Variants in HCK observed in about 807,000 individuals in gnomAD.
The protein encoded by HCK is tyrosine-protein kinase HCK.
A neutral mutation model predicts 70.4 loss-of-function variants in HCK; 40 were observed. The observed-to-expected ratio is 0.57, with a 90% CI of 0.44 to 0.74. The LOEUF (loss-of-function observed/expected upper bound fraction) is 0.74. HCK is among the 30% of genes least tolerant of loss of function. HCK has a pLI of 0.00. For synonymous variants in HCK, 245 were observed against 263.2 expected (o/e 0.93, Z 0.67); for missense variants, 568 against 697.2 (o/e 0.81, Z 2.09).
intron 1 of HCK, among the ~76,000 whole-genome samples, chr20:32,065,349 T>C (rs1001256663): frequency 2.6e-5 from 4 of 152,228 alleles, no homozygotes; most frequent in Admixed American, 1.3e-4. Flanking sequence ...GTGGAGACTT[T>C]TTGAGTTCAA....
chr20:32,083,283 CTT>C (rs2045732602), intron 6 of HCK, among the ~76,000 whole-genome samples: 1 of 152,150 alleles, frequency 6.6e-6, no homozygotes, highest in Admixed American at 6.5e-5. Context: ...TCTAAAGTAC[CTT>C]TTACCATGTA....
At position 32,084,549 on chromosome 20, in the gene HCK, G is replaced by A. The variant is rs769233277; in HGVS notation, c.835+6G>A. On this transcript the variant is annotated splice_donor_region_variant and intron_variant, in intron 8 of 12. Coordinates refer to ENST00000375852, the MANE Select transcript of HCK (RefSeq NM_002110.5). ...GTTTGGGGAAGTCTGGATGGGTAAG[G>A]ACCCAGGGCCACAGCCCACAGGGCC... The A allele has an allele frequency of 1.4e-4, 232 of 1,611,710 alleles. No homozygotes were observed. The highest frequency in any genetic ancestry group is 1.9e-4 in the Non-Finnish European group (222 of 1,178,888).
At chr20:32,098,367 AC>A (rs2045985667) in intron 11 of HCK, among the ~76,000 whole-genome samples, 1 of 152,104 alleles carries the variant, frequency 6.6e-6, no homozygotes, top group African/African-American at 2.4e-5. Context: ...ATAATGGGGC[AC>A]ACCTGTAACC....
intron 1 of HCK, among the ~76,000 whole-genome samples, chr20:32,054,475 TAAAAAAAAAAAAAAAAAAAAAAAAAA>T (rs529274774): frequency 4.5e-3 from 72 of 15,880 alleles, no homozygotes; most frequent in South Asian, 0.024. Flanking sequence ...AAACTCCACC[TAAAAAAAAAAAAAAAAAAAAAAAAAA>T]AAAAAAAAAA....
Position 32,084,409 on chromosome 20 carries a change from G to A in HCK, c.701G>A (p.Cys234Tyr), listed in dbSNP as rs1248786844. The A allele has an allele frequency of 5.0e-6, 8 of 1,613,692 alleles. No homozygotes were observed. The highest frequency in any genetic ancestry group is 6.8e-6 in the Non-Finnish European group (8 of 1,179,860). ...GTTCCAGAGGGGAACGACGGGCTCT[G>A]CCAGAAACTGTCGGTGCCCTGCATG... The change falls in exon 8 of 13, where the codon TGC becomes TAC. Residue 234 changes from cysteine to tyrosine, a missense_variant. By Grantham distance (194) the Cys-to-Tyr change is radical. Transcript: ENST00000375852.
At chr20:32,063,277 C>T (rs764399840) in intron 1 of HCK, among the ~76,000 whole-genome samples, 1 of 152,088 alleles carries the variant, frequency 6.6e-6, no homozygotes, top group Non-Finnish European at 1.5e-5. Context: ...TTTTTTGAAA[C>T]ATTCTTGCTC....
intron 1 of HCK, among the ~76,000 whole-genome samples, chr20:32,064,974 T>C (rs924839552): frequency 6.6e-6 from 1 of 152,266 alleles, no homozygotes; most frequent in Admixed American, 6.5e-5. Context: ...AGCGTGCTTT[T>C]GAAGCACATT....
intron 1 of HCK, among the ~76,000 whole-genome samples, chr20:32,057,419 G>A (rs536193799): frequency 6.6e-5 from 10 of 152,282 alleles, no homozygotes; most frequent in African/African-American, 1.7e-4. Context: ...GGGTAACATG[G>A]CAAAACCCTG....
intron 10 of HCK, 88 bp downstream of exon 10, chr20:32,088,732 T>C (rs1424083212): frequency 3.3e-6 from 3 of 909,930 alleles, no homozygotes; most frequent in South Asian, 2.8e-5. Flanking sequence ...ACTATGATGA[T>C]AGCAGTAATA....
intron 9 of HCK, 56 bp from the exon 10 acceptor site, chr20:32,088,512 G>T (rs987249636): frequency 8.1e-6 from 11 of 1,357,518 alleles, no homozygotes; most frequent in Admixed American, 3.8e-5. Flanking sequence ...AGTAATTGTG[G>T]TTTTTGCCAT....
chr20:32,067,970 C>T (rs542883592), intron 1 of HCK, among the ~76,000 whole-genome samples: 1 of 152,080 alleles, frequency 6.6e-6, no homozygotes, highest in African/African-American at 2.4e-5. Flanking sequence ...TTTCTTTTTA[C>T]TTTAAGAAAC....
intron 6 of HCK, among the ~76,000 whole-genome samples, chr20:32,082,019 G>A (rs996634977): frequency 3.9e-5 from 6 of 152,198 alleles, no homozygotes; most frequent in Admixed American, 6.5e-5. Context: ...CAGCAACCAA[G>A]CCAGTCTCGC....
At chr20:32,080,370 T>C (rs958464660) in intron 6 of HCK, among the ~76,000 whole-genome samples, 3 of 152,144 alleles carry the variant, frequency 2.0e-5, no homozygotes, top group Non-Finnish European at 2.9e-5. Context: ...AGCTAATTTT[T>C]GTATTTTTAG....
intron 1 of HCK, among the ~76,000 whole-genome samples, chr20:32,063,133 C>T (rs1399023005): frequency 6.6e-6 from 1 of 152,182 alleles, no homozygotes; most frequent in East Asian, 1.9e-4. Flanking sequence ...GCTTCCATTT[C>T]CCTATCTGAA....
chr20:32,074,300 G>T (rs561550171), intron 4 of HCK, among the ~76,000 whole-genome samples: 2 of 152,282 alleles, frequency 1.3e-5, no homozygotes, highest in African/African-American at 4.8e-5. Flanking sequence ...ACCATTCTGA[G>T]TCTCTATAGG....
chr20:32,053,637 CAAAAAA>C (rs1160849578), intron 1 of HCK, among the ~76,000 whole-genome samples: 4 of 60,796 alleles, frequency 6.6e-5, no homozygotes, highest in African/African-American at 2.4e-4. Context: ...GACTCTGTCT[CAAAAAA>C]AAAAAAAAAA....
chr20:32,059,372 C>T (rs1444868878), intron 1 of HCK, among the ~76,000 whole-genome samples: 1 of 147,958 alleles, frequency 6.8e-6, no homozygotes, highest in Non-Finnish European at 1.5e-5. Context: ...CCTCTTCCTC[C>T]TCCTCCACTT....
At chr20:32,101,066 G>A (rs991455008) in intron 12 of HCK, among the ~76,000 whole-genome samples, 5 of 152,118 alleles carry the variant, frequency 3.3e-5, no homozygotes, top group Non-Finnish European at 5.9e-5. Context: ...TCCTCTAAGC[G>A]GGAGGAAAAA....
At chr20:32,070,729 T>G (rs2045524044) in intron 1 of HCK, among the ~76,000 whole-genome samples, 1 of 152,120 alleles carries the variant, frequency 6.6e-6, no homozygotes, top group South Asian at 2.1e-4. Flanking sequence ...CCCATTCGGC[T>G]GCAGTTGAGG....
Sources: gnomAD v4.1 joint callset for allele counts (sites outside exome capture counted in the v4.1 genomes callset) on GRCh38, gnomAD v4.1.1 for gene constraint, MANE v1.5 for transcripts, NCBI Gene and HGNC (gene_info 2026-07-23, HGNC 2026-07-21) for gene names.